The following SATB1 variants were observed in gnomAD, a reference collection of about 807,000 sequenced individuals.
SATB1 encodes SATB homeobox 1.
SATB1 carries 11 observed loss-of-function variants against 86.9 expected under a neutral mutation model. The observed-to-expected ratio is 0.13, with a 90% confidence interval of 0.08 to 0.21. The LOEUF (loss-of-function observed/expected upper bound fraction) is 0.21, where lower values mean the gene tolerates loss of function less well. SATB1 is among the 10% of genes least tolerant of loss of function. The probability of loss-of-function intolerance (pLI) is 1.00; values close to 1 mark genes in which losing one functional copy is unlikely to be tolerated. For missense variants in SATB1, 551 were observed against 937.6 expected, an observed-to-expected ratio of 0.59 and a Z score of 5.39; for synonymous variants, 357 against 357.2, an observed-to-expected ratio of 1.00 and a Z score of 0.01.
At chr3:18,355,628 C>A (rs1229186324) in intron 9 of SATB1, among the ~76,000 whole-genome samples, 1 of 151,848 alleles carries the variant, frequency 6.6e-6, no homozygotes, top group Non-Finnish European at 1.5e-5. Flanking sequence ...GAATGAAATG[C>A]AGTGCTTTGT....
chr3:18,405,328 T>C (rs1697468093), intron 5 of SATB1, among the ~76,000 whole-genome samples: 1 of 151,926 alleles, frequency 6.6e-6, no homozygotes, highest in Non-Finnish European at 1.5e-5. Flanking sequence ...TCGCTCATCC[T>C]CTCTAGAGAT....
intron 9 of SATB1, among the ~76,000 whole-genome samples, chr3:18,374,355 T>A (rs115506277): frequency 0.012 from 1,847 of 152,294 alleles, 32 homozygotes; most frequent in South Asian, 0.05. Context: ...CCAAATCAAC[T>A]ATTTTTTTAA....
rs1695004220 is a variant in SATB1 at position 18,363,145 on chromosome 3, G to A, written c.1576-10950C>T. On this transcript the variant is annotated intron_variant, in intron 9 of 10. Transcript: ENST00000338745. Reference sequence around the variant, plus strand: ...ATATTCCCTCTATGATGTTTTAGGAGAGATAACAAAAAATTTTTAAAAGCA... The same window carrying A: ...ATATTCCCTCTATGATGTTTTAGGAAAGATAACAAAAAATTTTTAAAAGCA... Among the ~76,000 whole-genome samples the A allele has an allele frequency of 3.3e-5, 5 of 152,162 alleles. 1 individual carries two copies. In the South Asian group the frequency reaches 1.0e-3, roughly 32 times the overall value.
intron 8 of SATB1, among the ~76,000 whole-genome samples, chr3:18,385,408 G>A (rs1314805029): frequency 1.3e-5 from 2 of 152,044 alleles, no homozygotes; most frequent in Non-Finnish European, 2.9e-5. Context: ...GGATCATGAG[G>A]TCAGGAGATG....
At chr3:18,402,120 C>T (rs1028022398) in intron 5 of SATB1, among the ~76,000 whole-genome samples, 22 of 152,168 alleles carry the variant, frequency 1.4e-4, no homozygotes, top group Admixed American at 1.4e-3. Flanking sequence ...AAATTTTATT[C>T]TTTTAAACCC....
Position 18,348,882 on chromosome 3 carries a change from T to C in SATB1, c.*288A>G. The C allele has an allele frequency of 2.7e-6, 1 of 367,492 alleles. No homozygotes were observed. The highest frequency in any genetic ancestry group is 4.9e-6 in the Non-Finnish European group (1 of 205,080). The allele number at this position is 367,492 out of a possible 1,614,324, so 22.8% of individuals were successfully genotyped here. ...GAACTAAAAAAAAAACAAAAAACAC[T>C]GGTTTCATGCTTACGGGGTACACAC... On this transcript the variant is annotated 3_prime_UTR_variant, in exon 11 of 11. Transcript: ENST00000338745.
intron 5 of SATB1, among the ~76,000 whole-genome samples, chr3:18,411,773 T>C (rs1697854291): frequency 6.6e-6 from 1 of 151,890 alleles, no homozygotes; most frequent in South Asian, 2.1e-4. Context: ...CTTAGAACAT[T>C]TTACAAAAAT....
At position 18,367,589 on chromosome 3, in the gene SATB1, A is replaced by G. The variant is rs1163755269; in HGVS notation, c.1575+10581T>C. ...GATAGGGACCTGGAAGGGTCCATAA[A>G]TAAATAATTTGTCTTTGAAACGCAG... On this transcript the variant is annotated intron_variant, in intron 9 of 10. Transcript: ENST00000338745. 2.0e-5 allele frequency among the ~76,000 whole-genome samples: 3 copies of G among 152,316 alleles called. No homozygotes were observed. The South Asian group carries it at 6.2e-4, about 32-fold the overall frequency.
intron 2 of SATB1, among the ~76,000 whole-genome samples, chr3:18,433,032 A>G (rs754170159): frequency 3.3e-5 from 5 of 152,190 alleles, no homozygotes; most frequent in Non-Finnish European, 7.4e-5. Flanking sequence ...AAGGATAATT[A>G]ACATGGATTG....
At chr3:18,390,016 C>T (rs1696567586) in intron 7 of SATB1, among the ~76,000 whole-genome samples, 1 of 152,034 alleles carries the variant, frequency 6.6e-6, no homozygotes, top group Non-Finnish European at 1.5e-5. Context: ...TGCTGAATTC[C>T]TAAACCTGTT....
chr3:18,389,867 G>T (rs548899058), intron 7 of SATB1, among the ~76,000 whole-genome samples: 170 of 152,190 alleles, frequency 1.1e-3, no homozygotes, highest in African/African-American at 3.9e-3. Flanking sequence ...AAAATCAGAA[G>T]CTGCCTTTCA....
At chr3:18,371,039 T>C (rs542963569) in intron 9 of SATB1, among the ~76,000 whole-genome samples, 1 of 152,192 alleles carries the variant, frequency 6.6e-6, no homozygotes, top group East Asian at 1.9e-4. Context: ...CCTTATTATA[T>C]GACAGCATGC....
chr3:18,364,941 C>A (rs1695107365), intron 9 of SATB1, among the ~76,000 whole-genome samples: 1 of 151,878 alleles, frequency 6.6e-6, no homozygotes, highest in African/African-American at 2.4e-5. Flanking sequence ...TCCTCAGTAG[C>A]CCCAGGTTTC....
chr3:18,358,162 A>T (rs1011677272), intron 9 of SATB1, among the ~76,000 whole-genome samples: 1 of 152,000 alleles, frequency 6.6e-6, no homozygotes, highest in Non-Finnish European at 1.5e-5. Flanking sequence ...GATTAAAGGC[A>T]TTAAAGTTGA....
intron 9 of SATB1, among the ~76,000 whole-genome samples, chr3:18,364,937 G>A (rs1286878911): frequency 6.6e-6 from 1 of 151,962 alleles, no homozygotes; most frequent in Non-Finnish European, 1.5e-5. Context: ...TGTGTCCTCA[G>A]TAGCCCCAGG....
chr3:18,361,406 T>C (rs1694900155), intron 9 of SATB1, among the ~76,000 whole-genome samples: 1 of 152,138 alleles, frequency 6.6e-6, no homozygotes. Flanking sequence ...ATTATTATTT[T>C]ATTGTTGTTA....
At chr3:18,421,591 A>G (rs1306105596) in intron 1 of SATB1, among the ~76,000 whole-genome samples, 1 of 152,140 alleles carries the variant, frequency 6.6e-6, no homozygotes, top group Non-Finnish European at 1.5e-5. Context: ...TCTACTATCA[A>G]AGTTCCAAGA....
chr3:18,422,291 T>G (rs1698433437), intron 1 of SATB1, among the ~76,000 whole-genome samples: 2 of 152,196 alleles, frequency 1.3e-5, no homozygotes, highest in South Asian at 4.1e-4. Flanking sequence ...TTAGCATGGC[T>G]TTTCTGTAAA....
intron 2 of SATB1, among the ~76,000 whole-genome samples, chr3:18,418,015 G>C (rs1446965398): frequency 6.6e-6 from 1 of 152,156 alleles, no homozygotes. Flanking sequence ...TGGTACTCAA[G>C]GTGTTTATGC....
Sources: gnomAD v4.1 joint callset for allele counts (sites outside exome capture counted in the v4.1 genomes callset) on GRCh38, gnomAD v4.1.1 for gene constraint, MANE v1.5 for transcripts, NCBI Gene and HGNC (gene_info 2026-07-23, HGNC 2026-07-21) for gene names.